The following CREM variants were observed in gnomAD, a reference collection of about 807,000 sequenced individuals.
CREM encodes the protein cAMP responsive element modulator.
CREM carries 13 observed loss-of-function variants against 37.3 expected under a neutral mutation model. The ratio of observed to expected loss-of-function variants is 0.35; its 90% CI spans 0.23 to 0.55. CREM has a LOEUF of 0.55. CREM is among the 20% of genes least tolerant of loss of function. CREM has a pLI of 0.88. For synonymous variants in CREM, 124 were observed against 120.2 expected, an observed-to-expected ratio of 1.03 and a Z score of -0.21; for missense variants, 296 against 362.3, an observed-to-expected ratio of 0.82 and a Z score of 1.49.
intron 5 of CREM, among the ~76,000 whole-genome samples, 186 bp from the exon 6 acceptor site, chr10:35,188,014 A>G (rs1394192221): frequency 6.6e-6 from 1 of 152,252 alleles, no homozygotes; most frequent in Non-Finnish European, 1.5e-5. Context: ...TCAAGTGTTT[A>G]TAAGCTTTTC....
intron 3 of CREM, chr10:35,158,613 CTG>C (rs2093062888): frequency 6.4e-6 from 1 of 157,354 alleles, no homozygotes; most frequent in African/African-American, 2.4e-5. Flanking sequence ...GGCCAGAAAT[CTG>C]TGAAAACTGC....
rs200629851 is a variant in CREM at position 35,188,378 on chromosome 10, T to C, written c.588T>C (p.Val196=). 1 of 1,612,020 alleles carries C rather than the reference T, an allele frequency of 6.2e-7. No homozygotes were observed. The highest frequency in any genetic ancestry group is 1.3e-5 in the African/African-American group (1 of 74,948). Reference sequence around the variant, plus strand: ...AGTTCTTTGTCCCAGGCAGCCAGGTTGTTGTTCAAGGTATATTTTATTAAT... The same window carrying C: ...AGTTCTTTGTCCCAGGCAGCCAGGTCGTTGTTCAAGGTATATTTTATTAAT... ...TQQFFVPGSQ[V]VVQAATGDMP... The change falls in exon 6 of 8, where the codon GTT becomes GTC. Residue 196 remains valine (V), a synonymous_variant. Coordinates refer to ENST00000685392, the MANE Select transcript of CREM (RefSeq NM_183011.2).
chr10:35,187,041 A>G (rs1159145533), intron 5 of CREM, among the ~76,000 whole-genome samples: 1 of 72,028 alleles, frequency 1.4e-5, no homozygotes, highest in Non-Finnish European at 2.4e-5. Flanking sequence ...TATAATATAT[A>G]TTATATATAA....
intron 6 of CREM, among the ~76,000 whole-genome samples, chr10:35,190,602 T>C (rs867892616): frequency 3.3e-5 from 5 of 152,300 alleles, no homozygotes; most frequent in Non-Finnish European, 7.4e-5. Flanking sequence ...GCATTTGGAA[T>C]AAGTTTGAGT....
At chr10:35,189,084 G>T (rs1303172211) in intron 6 of CREM, among the ~76,000 whole-genome samples, 1 of 152,126 alleles carries the variant, frequency 6.6e-6, no homozygotes, top group East Asian at 1.9e-4. Flanking sequence ...TTCAGGCTAT[G>T]ATGCCCCAAA....
chr10:35,129,945 C>T (rs2088986531), intron 1 of CREM, among the ~76,000 whole-genome samples: 2 of 151,734 alleles, frequency 1.3e-5, no homozygotes, highest in Admixed American at 1.3e-4. Context: ...GCCTGTAATC[C>T]CAGCATTTTG....
At chr10:35,137,114 C>T (rs2090660759) in intron 1 of CREM, among the ~76,000 whole-genome samples, 1 of 152,100 alleles carries the variant, frequency 6.6e-6, no homozygotes, top group Non-Finnish European at 1.5e-5. Context: ...ATGTCTGGCT[C>T]AAATGTTCTT....
chr10:35,138,044 T>C (rs1378220969), intron 2 of CREM, among the ~76,000 whole-genome samples, 165 bp downstream of exon 2: 1 of 152,230 alleles, frequency 6.6e-6, no homozygotes, highest in Non-Finnish European at 1.5e-5. Flanking sequence ...CACCATCTAC[T>C]GTGTACCATG....
chr10:35,172,055 A>G (rs372350371), intron 3 of CREM, among the ~76,000 whole-genome samples: 12 of 152,308 alleles, frequency 7.9e-5, no homozygotes, highest in South Asian at 6.2e-4. Context: ...GGAACTAAAG[A>G]TCATGTCCCA....
rs149669121 is a variant in CREM, at chr10:35,141,519, C to T, written c.44+3640C>T. Among the ~76,000 whole-genome samples the T allele has an allele frequency of 3.9e-3, 588 of 152,114 alleles. 8 individuals are homozygous for T. Among genetic ancestry groups the T allele is most frequent in the African/African-American group, 0.014 (565 of 41,488 alleles). On this transcript the variant is annotated intron_variant, in intron 2 of 7. Coordinates refer to ENST00000685392, the MANE Select transcript of CREM (RefSeq NM_183011.2). ...TCAGGGGTTTCTGGCTTGAACAACT[C>T]GTTGGATGATGGGGTCCCATTTCCT...
chr10:35,202,589 T>C (rs1437369891), intron 6 of CREM, among the ~76,000 whole-genome samples: 1 of 152,216 alleles, frequency 6.6e-6, no homozygotes, highest in Non-Finnish European at 1.5e-5. Context: ...TGTACTTTAC[T>C]AATAAGATTA....
At chr10:35,162,785 T>C (rs1349240148) in intron 3 of CREM, among the ~76,000 whole-genome samples, 1 of 152,058 alleles carries the variant, frequency 6.6e-6, no homozygotes, top group Non-Finnish European at 1.5e-5. Flanking sequence ...TGTAGCAAAT[T>C]TGGTTGAAAA....
At position 35,201,483 on chromosome 10, in the gene CREM, G is replaced by A. The variant is rs186483438; in HGVS notation, c.599-5412G>A. 425 of 1,551,608 alleles carry A rather than the reference G, an allele frequency of 2.7e-4. 1 individual carries two copies. Among genetic ancestry groups the A allele is most frequent in the Non-Finnish European group, 3.3e-4 (377 of 1,146,958 alleles). On this transcript the variant is annotated intron_variant, in intron 6 of 7. Transcript: ENST00000685392. ...AACTGAACTTGCCCCAAGTCACATG[G>A]CTGGTAAGTGGCAGAGCTGGACTAG...
chr10:35,178,815 C>A, intron 3 of CREM, 74 bp from the exon 4 acceptor site: 1 of 1,237,684 alleles, frequency 8.1e-7, no homozygotes, highest in Non-Finnish European at 1.1e-6. Context: ...CACACAGACT[C>A]TTAGCCTCAA....
At chr10:35,210,905 T>C (rs2095650907) in intron 7 of CREM, among the ~76,000 whole-genome samples, 1 of 152,060 alleles carries the variant, frequency 6.6e-6, no homozygotes, top group African/African-American at 2.4e-5. Context: ...ACAAAAATAA[T>C]TAAGAGAATT....
chr10:35,185,493 A>G (rs2505639), intron 5 of CREM, among the ~76,000 whole-genome samples: 90,796 of 151,952 alleles, frequency 0.6, 27,735 homozygotes, highest in East Asian at 0.68. Context: ...CTAATTATCA[A>G]CTGAAAAATA....
At chr10:35,143,814 C>G (rs1011046543) in intron 2 of CREM, among the ~76,000 whole-genome samples, 1 of 152,094 alleles carries the variant, frequency 6.6e-6, no homozygotes, top group Admixed American at 6.6e-5. Flanking sequence ...GATGGCCAGT[C>G]AACATGCTGA....
intron 2 of CREM, among the ~76,000 whole-genome samples, chr10:35,143,864 G>C (rs1364748200): frequency 6.6e-6 from 1 of 152,160 alleles, no homozygotes; most frequent in Non-Finnish European, 1.5e-5. Flanking sequence ...ACTCTCTTGA[G>C]AGGACAGCAG....
chr10:35,176,634 C>T (rs529422381), intron 3 of CREM, among the ~76,000 whole-genome samples: 1 of 152,012 alleles, frequency 6.6e-6, no homozygotes, highest in Non-Finnish European at 1.5e-5. Flanking sequence ...TGGTCTTGAT[C>T]TCCTGACCTC....
Sources: allele counts gnomAD v4.1 joint callset (sites outside exome capture counted in the v4.1 genomes callset), GRCh38; gene constraint gnomAD v4.1.1; transcripts MANE v1.5; gene names NCBI Gene and HGNC (gene_info 2026-07-23, HGNC 2026-07-21).